The following SETD2 variants were observed in gnomAD, a reference collection of about 807,000 sequenced individuals.
The protein encoded by SETD2 is SET domain containing 2, histone lysine methyltransferase.
In SETD2, 31 loss-of-function variants were observed where a neutral mutation model predicts 242.1. The observed-to-expected ratio is 0.13, with a 90% CI of 0.10 to 0.17. The LOEUF (loss-of-function observed/expected upper bound fraction) is 0.17. Among genes scored for constraint, SETD2 ranks in the 10% least tolerant of loss-of-function variants. The pLI, the probability that SETD2 is intolerant of heterozygous loss-of-function variation, is 1.00. For missense variants in SETD2, 2,481 were observed against 3,046.3 expected, an observed-to-expected ratio of 0.81 and a Z score of 4.37; for synonymous variants, 1,006 against 1,066.5, an observed-to-expected ratio of 0.94 and a Z score of 1.11.
intron 9 of SETD2, among the ~76,000 whole-genome samples, chr3:47,096,925 GCTTTTTTTAA>G (rs1195680089): frequency 2.0e-5 from 3 of 152,174 alleles, no homozygotes; most frequent in African/African-American, 4.8e-5. Context: ...CCTTTCCAAT[GCTTTTTTTAA>G]CTTTTTTTAA....
At position 47,046,512 on chromosome 3, in the gene SETD2, G is replaced by T. The variant is rs775632004; in HGVS notation, c.7073C>A (p.Pro2358Gln). The change falls in exon 16 of 21, where the codon CCA becomes CAA. Residue 2358 changes from proline (P) to glutamine (Q), a missense_variant. By Grantham distance (76) the Pro-to-Gln change is moderately conservative. Coordinates refer to ENST00000409792, the MANE Select transcript of SETD2 (RefSeq NM_014159.7). ...PAAAVTTIVA[P>Q]GQPQPLQPSE... is the part of the protein sequence containing the mutation. The stretch of plus-strand genomic sequence containing the variant: ...TGGCTGCAAGGGCTGAGGCTGCCCT[G>T]GTGCAACTATTGTAGTCACTGCTGC... 9.3e-6 allele frequency: 15 copies of T among 1,608,122 alleles called. 1 individual carries two copies. Among genetic ancestry groups the T allele is most frequent in the Middle Eastern group, 1.7e-4 (1 of 6,040 alleles).
chr3:47,042,796 T>C lies in SETD2; in HGVS notation c.7099-96A>G, dbSNP rs2039342335. 10 of 1,050,400 alleles carry C rather than the reference T, an allele frequency of 9.5e-6. No individual in the cohort carries two copies. In the Admixed American group the frequency reaches 9.7e-5, roughly 10 times the overall value. 65.1% of individuals were successfully genotyped at this position (1,050,400 alleles called of 1,614,324 possible). On this transcript the variant is annotated intron_variant, in intron 16 of 20. Transcript: ENST00000409792. ...CCACTTAAATATGTAAAAATGTACA[T>C]CTACCTCCTCTTAAAAAAAGGATAA... is the stretch of plus-strand genomic sequence containing the variant.
At chr3:47,021,135 T>C (rs565452042) in intron 18 of SETD2, among the ~76,000 whole-genome samples, 7 of 152,264 alleles carry the variant, frequency 4.6e-5, no homozygotes, top group South Asian at 4.2e-4. Flanking sequence ...TTATTTTTTT[T>C]CCCCCAGTTG....
chr3:47,101,490 C>T lies in SETD2; in HGVS notation c.4983G>A (p.Glu1661=). ...FTTKLVPSGS[E]LTFDYQFQRY... is the part of the protein sequence containing the mutation. ...TCTGGAACTGATAGTCAAACGTTAA[C>T]TCTGAGCCTGAAGGAACCAGTTTGG... Residue 1661 remains glutamate, a synonymous_variant, in exon 8 of 21, where the codon GAG becomes GAA. Transcript: ENST00000409792. 6.2e-7 allele frequency: 1 copy of T among 1,613,638 alleles called. No individual in the cohort carries two copies. The highest frequency in any genetic ancestry group is 1.1e-5 in the South Asian group (1 of 91,066).
chr3:47,060,869 T>C (rs2040300677), intron 14 of SETD2, among the ~76,000 whole-genome samples: 1 of 152,036 alleles, frequency 6.6e-6, no homozygotes, highest in Admixed American at 6.6e-5. Context: ...ATTTAGAATA[T>C]AAAGGACACA....
At chr3:47,139,052 G>A (rs939003808) in intron 1 of SETD2, among the ~76,000 whole-genome samples, 3 of 151,930 alleles carry the variant, frequency 2.0e-5, no homozygotes, top group Admixed American at 1.3e-4. Flanking sequence ...TTGCAGCCTC[G>A]AACTCCTGGG....
intron 2 of SETD2, 150 bp from the exon 3 acceptor site, chr3:47,124,698 G>T: frequency 4.6e-6 from 3 of 650,346 alleles, no homozygotes; most frequent in Non-Finnish European, 7.2e-6. Context: ...TCTTTATTAT[G>T]AAAATTTTCA....
At chr3:47,049,780 TTATA>T (rs1189750459) in intron 15 of SETD2, among the ~76,000 whole-genome samples, 1 of 135,902 alleles carries the variant, frequency 7.4e-6, no homozygotes, top group Non-Finnish European at 1.5e-5. Flanking sequence ...GTTTATATTA[TTATA>T]TATAAACTTA....
At chr3:47,023,265 C>T (rs750413435) in intron 18 of SETD2, among the ~76,000 whole-genome samples, 20 of 151,894 alleles carry the variant, frequency 1.3e-4, no homozygotes, top group South Asian at 2.1e-4. Context: ...TCAGGCGCGG[C>T]GGCGTGCACC....
chr3:47,075,255 G>A (rs2041007386), intron 12 of SETD2, among the ~76,000 whole-genome samples: 2 of 151,888 alleles, frequency 1.3e-5, no homozygotes, highest in South Asian at 4.2e-4. Flanking sequence ...TAAATCAGAA[G>A]CAGATTAAGA....
At chr3:47,037,869 C>T in intron 17 of SETD2, 92 bp from the exon 18 acceptor site, 1 of 885,136 alleles carries the variant, frequency 1.1e-6, no homozygotes, top group Non-Finnish European at 1.9e-6. Flanking sequence ...TAAAATACAA[C>T]ATACAATAAG....
chr3:47,020,663 C>G (rs1421505252), intron 18 of SETD2, among the ~76,000 whole-genome samples: 1 of 152,210 alleles, frequency 6.6e-6, no homozygotes, highest in Non-Finnish European at 1.5e-5. Context: ...AGTAAATGTG[C>G]TTTTCCACGG....
intron 2 of SETD2, among the ~76,000 whole-genome samples, chr3:47,125,421 G>C (rs188208253): frequency 2.6e-5 from 4 of 152,178 alleles, no homozygotes; most frequent in African/African-American, 7.2e-5. Flanking sequence ...TCTAAGATGA[G>C]GAAAGGGTTT....
intron 12 of SETD2, 43 bp downstream of exon 12, chr3:47,083,677 C>T: frequency 1.3e-6 from 2 of 1,547,060 alleles, no homozygotes; most frequent in Non-Finnish European, 1.7e-6. Flanking sequence ...GAACTCTAAA[C>T]CTGAGTAATT....
chr3:47,058,434 C>A (rs1261792875), intron 14 of SETD2, among the ~76,000 whole-genome samples: 2 of 99,132 alleles, frequency 2.0e-5, no homozygotes, highest in African/African-American at 1.2e-4. Context: ...GGGCAAGACA[C>A]CGTCTCAAAA....
In SETD2 at chr3:47,017,141, C is replaced by T. The variant is rs763210716; in HGVS notation, c.7647G>A (p.Gln2549=). ...KTKEYIKKYM[Q]KFGAVYKPKE... ...TGGGTTTGTAAACAGCCCCAAACTT[C>T]TGCATGTACTTCTTAATGTACTCCT... Residue 2549 remains glutamine, a synonymous_variant, in exon 21 of 21, where the codon CAG becomes CAA. Coordinates refer to ENST00000409792, the MANE Select transcript of SETD2 (RefSeq NM_014159.7). This position sits in a 1 kb window ranked among gnomAD's most constrained non-coding sequence, Gnocchi z 4.8. 6.2e-7 allele frequency: 1 copy of T among 1,614,180 alleles called. No homozygotes were observed. The highest frequency in any genetic ancestry group is 1.3e-5 in the African/African-American group (1 of 75,034).
intron 18 of SETD2, among the ~76,000 whole-genome samples, chr3:47,021,583 G>A (rs1248437572): frequency 6.6e-6 from 1 of 152,062 alleles, no homozygotes; most frequent in Non-Finnish European, 1.5e-5. Flanking sequence ...AATTGGGATC[G>A]AGAAAGGAAA....
At chr3:47,142,638 G>A (rs1287794759) in intron 1 of SETD2, among the ~76,000 whole-genome samples, 2 of 151,892 alleles carry the variant, frequency 1.3e-5, no homozygotes, top group African/African-American at 4.8e-5. Flanking sequence ...GGTGGGGGGA[G>A]GTGGGGAAGG....
At position 47,097,706 on chromosome 3, in the gene SETD2, G is replaced by C. The variant is rs7644382; in HGVS notation, c.5142+249C>G. Among the ~76,000 whole-genome samples the C allele has an allele frequency of 0.042, 6,460 of 152,222 alleles. 473 individuals are homozygous for C. The highest frequency in any genetic ancestry group is 0.15 in the African/African-American group (6,054 of 41,514). On this transcript the variant is annotated intron_variant, in intron 9 of 20. Coordinates refer to ENST00000409792, the MANE Select transcript of SETD2 (RefSeq NM_014159.7). Reference sequence around the variant, plus strand: ...AAAGATATGTTTTACTTGTACTTAGGAGTTTTAAAGAATCTGAAAAACTAT... The same window carrying C: ...AAAGATATGTTTTACTTGTACTTAGCAGTTTTAAAGAATCTGAAAAACTAT...
Sources: allele counts gnomAD v4.1 joint callset (sites outside exome capture counted in the v4.1 genomes callset), GRCh38; gene constraint gnomAD v4.1.1; non-coding constraint Gnocchi (gnomAD v3.1); transcripts MANE v1.5; gene names NCBI Gene and HGNC (gene_info 2026-07-23, HGNC 2026-07-21).